The following PCDHGA4 variants were observed in gnomAD, a reference collection of about 807,000 sequenced individuals.
The protein encoded by PCDHGA4 is protocadherin gamma subfamily A, 4.
In PCDHGA4, 38 loss-of-function variants were observed where a neutral mutation model predicts 54.6. The ratio of observed to expected loss-of-function variants is 0.70; its 90% CI spans 0.54 to 0.91. The LOEUF (loss-of-function observed/expected upper bound fraction) is 0.91. Ranked by LOEUF, PCDHGA4 falls within the 40% of genes least tolerant of loss-of-function variation. The probability of loss-of-function intolerance (pLI) is 0.00; values close to 1 mark genes in which losing one functional copy is unlikely to be tolerated. For synonymous variants in PCDHGA4, 511 were observed against 512.9 expected (o/e 1.00, Z 0.05); for missense variants, 1,298 against 1,220.9 (o/e 1.06, Z -0.94).
rs200900873 is a variant in PCDHGA4 at position 141,510,902 on chromosome 5, G to A, written c.2663-45G>A. On this transcript the variant is annotated intron_variant, in intron 3 of 3. Transcript: ENST00000571252. ...GGGGATATAAGACAGTGACTGTTGAGGACCCTAAGTTTAGCTCCCACCTGA... is the reference window on the plus strand; with the variant it reads ...GGGGATATAAGACAGTGACTGTTGAAGACCCTAAGTTTAGCTCCCACCTGA... The A allele has an allele frequency of 1.5e-3, 2,449 of 1,613,462 alleles. 7 individuals carry two copies. The highest frequency in any genetic ancestry group is 1.9e-3 in the Non-Finnish European group (2,206 of 1,179,758).
intron 1 of PCDHGA4, chr5:141,362,670 CTTAA>C: frequency 8.1e-7 from 1 of 1,239,100 alleles, no homozygotes; most frequent in Non-Finnish European, 1.1e-6. Context: ...AATGTTGTGC[CTTAA>C]TTGTCTTAAT....
chr5:141,501,419 C>A (rs910783867), intron 2 of PCDHGA4, among the ~76,000 whole-genome samples: 1 of 151,920 alleles, frequency 6.6e-6, no homozygotes, highest in Non-Finnish European at 1.5e-5. Flanking sequence ...AAATAGTTGA[C>A]TAAATGTAGT....
At chr5:141,427,132 G>A (rs755992698) in intron 1 of PCDHGA4, 1 of 457,106 alleles carries the variant, frequency 2.2e-6, no homozygotes, top group South Asian at 1.5e-5. Flanking sequence ...AAATCCCTAC[G>A]AGATGATATT....
intron 1 of PCDHGA4, chr5:141,399,025 CAAAAG>C (rs750003738): frequency 6.8e-6 from 11 of 1,613,846 alleles, no homozygotes; most frequent in Admixed American, 5.0e-5. Context: ...AATTACCACT[CAAAAG>C]AAACTGGATT....
intron 1 of PCDHGA4, chr5:141,361,586 G>A: frequency 3.7e-6 from 6 of 1,614,058 alleles, no homozygotes; most frequent in Non-Finnish European, 5.1e-6. Flanking sequence ...TTGGGCCCCA[G>A]TGGCCAAGTT....
intron 1 of PCDHGA4, among the ~76,000 whole-genome samples, chr5:141,452,199 G>T (rs2098736057): frequency 1.3e-5 from 2 of 151,778 alleles, no homozygotes; most frequent in African/African-American, 4.8e-5. Flanking sequence ...AATTGTTTTA[G>T]ATGTTACCAA....
At chr5:141,458,567 TTTTGTTTG>T (rs144471304) in intron 1 of PCDHGA4, among the ~76,000 whole-genome samples, 1 of 151,488 alleles carries the variant, frequency 6.6e-6, no homozygotes, top group Non-Finnish European at 1.5e-5. Flanking sequence ...GGTTTTGGGT[TTTTGTTTG>T]TTTGTTTGTT....
At chr5:141,409,960 C>T (rs1182396334) in intron 1 of PCDHGA4, 1 of 1,613,416 alleles carries the variant, frequency 6.2e-7, no homozygotes. Context: ...AGCCCGGCTA[C>T]CTAGTGACTA....
At position 141,435,341 on chromosome 5, in the gene PCDHGA4, C is replaced by T. The variant is rs73794903; in HGVS notation, c.2515-59466C>T. 9.3e-3 allele frequency among the ~76,000 whole-genome samples: 1,412 copies of T among 152,206 alleles called. 25 individuals carry two copies. Among genetic ancestry groups the T allele is most frequent in the African/African-American group, 0.032 (1,313 of 41,532 alleles). On this transcript the variant is annotated intron_variant, in intron 1 of 3. Coordinates refer to ENST00000571252, the MANE Select transcript of PCDHGA4 (RefSeq NM_018917.4). ...ACTTCCAAATATAGTGAATTTATTT[C>T]TTCTGCATTTAAAATTTTATCACTT...
chr5:141,465,049 T>G (rs546927594), intron 1 of PCDHGA4, among the ~76,000 whole-genome samples: 1 of 152,016 alleles, frequency 6.6e-6, no homozygotes, highest in Non-Finnish European at 1.5e-5. Flanking sequence ...ACCCTATATA[T>G]TTTTTTGAAT....
chr5:141,364,087 G>A lies in PCDHGA4; in HGVS notation c.2514+6466G>A, dbSNP rs927975362. ...ACTAAACTTAGGAGAAATAAAAATGGAATTTGATGCAGTCACTGGTTAGGA... is the reference window on the plus strand; with the variant it reads ...ACTAAACTTAGGAGAAATAAAAATGAAATTTGATGCAGTCACTGGTTAGGA... On this transcript the variant is annotated intron_variant, in intron 1 of 3. Transcript: ENST00000571252. The A allele has an allele frequency of 1.3e-5, 5 of 387,758 alleles. No individual in the cohort carries two copies. The East Asian group carries it at 1.5e-4, about 12-fold the overall frequency. The allele number at this position is 387,758 out of a possible 1,614,324, so 24.0% of individuals were successfully genotyped here. A position where few individuals can be genotyped will look rare whatever the true frequency, so the allele number is the denominator to read the frequency against.
chr5:141,405,353 A>G lies in PCDHGA4; in HGVS notation c.2514+47732A>G, dbSNP rs187461819. 6.9e-5 allele frequency: 112 copies of G among 1,614,026 alleles called. No homozygotes were observed. Among genetic ancestry groups the G allele is most frequent in the Admixed American group, 5.8e-4 (35 of 60,010 alleles). On this transcript the variant is annotated intron_variant, in intron 1 of 3. Coordinates refer to ENST00000571252, the MANE Select transcript of PCDHGA4 (RefSeq NM_018917.4). Reference sequence around the variant, plus strand: ...CGTCTCTGTTGATTCCAAGTTTCCTATAGAAGACACCCCTTTGGTTCCGGT... The same window carrying G: ...CGTCTCTGTTGATTCCAAGTTTCCTGTAGAAGACACCCCTTTGGTTCCGGT...
At chr5:141,418,341 A>G (rs1407312724) in intron 1 of PCDHGA4, 1 of 1,614,006 alleles carries the variant, frequency 6.2e-7, no homozygotes, top group South Asian at 1.1e-5. Context: ...GAAGATCCTG[A>G]TATTAGTATG....
At chr5:141,410,335 T>C (rs2095381391) in intron 1 of PCDHGA4, 1 of 1,613,894 alleles carries the variant, frequency 6.2e-7, no homozygotes, top group African/African-American at 1.3e-5. Context: ...TTCTGGCCAT[T>C]GCCTTGCGCC....
Position 141,489,524 on chromosome 5 carries a change from T to TA in PCDHGA4, c.2515-5282dup. Reference sequence around the variant, plus strand: ...AATCAAAAGATTGACCGAGAAAGCCTATGTGGAGCCAGCACCAGCTGCCTG... The same window carrying TA: ...AATCAAAAGATTGACCGAGAAAGCCTAATGTGGAGCCAGCACCAGCTGCCTG... On this transcript the variant is annotated intron_variant, in intron 1 of 3. Transcript: ENST00000571252. This position sits in a 1 kb window ranked among gnomAD's most constrained non-coding sequence, Gnocchi z 4.5. 6.2e-7 allele frequency: 1 copy of TA among 1,614,076 alleles called. No homozygotes were observed. Among genetic ancestry groups the TA allele is most frequent in the Non-Finnish European group, 8.5e-7 (1 of 1,180,010 alleles).
rs753002448 is a variant in PCDHGA4 at position 141,355,220 on chromosome 5, G to A, written c.113G>A (p.Arg38His). 1 of 1,607,994 alleles carries A rather than the reference G, an allele frequency of 6.2e-7. No homozygotes were observed. The highest frequency in any genetic ancestry group is 8.5e-7 in the Non-Finnish European group (1 of 1,176,574). Residue 38 changes from arginine to histidine, a missense_variant, in exon 1 of 4, where the codon CGC (arginine) becomes CAC (histidine). Transcript: ENST00000571252. ...GGVVMAAPPA[R>H]PDHTRLLQIC... The stretch of plus-strand genomic sequence containing the variant: ...GTTGTAATGGCGGCGCCTCCTGCTC[G>A]CCCAGACCACACCCGGCTGCTCCAG...
At chr5:141,479,849 C>T (rs1014214860) in intron 1 of PCDHGA4, among the ~76,000 whole-genome samples, 7 of 152,208 alleles carry the variant, frequency 4.6e-5, no homozygotes. Context: ...AAGGTGACTG[C>T]AAGGCCTTTG....
At chr5:141,419,152 G>A (rs2096335735) in intron 1 of PCDHGA4, 25 of 1,613,916 alleles carry the variant, frequency 1.5e-5, no homozygotes, top group East Asian at 4.5e-5. Context: ...GCAAGCCTCC[G>A]TTATCCTCCA....
intron 1 of PCDHGA4, chr5:141,393,946 A>G (rs1417125080): frequency 4.3e-6 from 7 of 1,613,892 alleles, no homozygotes; most frequent in Non-Finnish European, 4.2e-6. Context: ...GACTCTGGAA[A>G]GAATGGTCAA....
Sources: allele counts gnomAD v4.1 joint callset (sites outside exome capture counted in the v4.1 genomes callset), GRCh38; gene constraint gnomAD v4.1.1; non-coding constraint Gnocchi (gnomAD v3.1); transcripts MANE v1.5; gene names NCBI Gene and HGNC (gene_info 2026-07-23, HGNC 2026-07-21).